The following LARGE1 variants were observed in gnomAD, a reference collection of about 807,000 sequenced individuals.
LARGE1 encodes xylosyl- and glucuronyltransferase LARGE1.
Under a neutral mutation model 87.6 loss-of-function variants are expected in LARGE1, and 43 were observed. That is an observed-to-expected ratio of 0.49 (90% confidence interval 0.38 to 0.63). LARGE1 has a LOEUF of 0.63. Ranked by LOEUF, LARGE1 falls within the 30% of genes least tolerant of loss-of-function variation. LARGE1 has a pLI of 0.00. For missense variants in LARGE1, 802 were observed against 1,000.2 expected, an observed-to-expected ratio of 0.80 and a Z score of 2.67; for synonymous variants, 434 against 394.6, an observed-to-expected ratio of 1.10 and a Z score of -1.18.
intron 7 of LARGE1, among the ~76,000 whole-genome samples, chr22:33,412,941 G>A (rs1425565970): frequency 1.3e-5 from 2 of 152,178 alleles, no homozygotes; most frequent in South Asian, 2.1e-4. Flanking sequence ...GATTACAGGC[G>A]TGAGCCACCG....
chr22:33,277,855 T>C (rs969098463), intron 13 of LARGE1, among the ~76,000 whole-genome samples: 11 of 152,218 alleles, frequency 7.2e-5, no homozygotes. Context: ...AAGGAACTCC[T>C]GGAGGGCTCC....
At chr22:33,676,720 A>G (rs1433312540) in intron 2 of LARGE1, among the ~76,000 whole-genome samples, 22 of 152,190 alleles carry the variant, frequency 1.4e-4, no homozygotes, top group Non-Finnish European at 1.5e-5. Flanking sequence ...AGGTCTAAAT[A>G]CTAAATATTT....
chr22:33,161,329 C>T (rs976176315), downstream of LARGE1, among the ~76,000 whole-genome samples: 1 of 152,060 alleles, frequency 6.6e-6, no homozygotes, highest in Non-Finnish European at 1.5e-5. Context: ...CATTCTGCCC[C>T]CGGCCCCTCC....
chr22:33,458,911 A>C (rs1373881338), intron 6 of LARGE1, among the ~76,000 whole-genome samples: 1 of 152,114 alleles, frequency 6.6e-6, no homozygotes, highest in Non-Finnish European at 1.5e-5. Context: ...CAACAGCAAA[A>C]ATAATAAACA....
intron 10 of LARGE1, among the ~76,000 whole-genome samples, chr22:33,317,042 T>C (rs1446572421): frequency 6.6e-6 from 1 of 151,994 alleles, no homozygotes; most frequent in Non-Finnish European, 1.5e-5. Flanking sequence ...GGGGAAACCC[T>C]GTCTCCACAA....
At chr22:33,081,687 AAAT>A in the LARGE1 span, among the ~76,000 whole-genome samples, 3 of 152,178 alleles carry the variant, frequency 2.0e-5, no homozygotes, top group Admixed American at 1.3e-4. Context: ...ATTTTGCATA[AAAT>A]ACCAGAGGTT....
At chr22:33,412,667 T>G (rs751674150) in intron 7 of LARGE1, among the ~76,000 whole-genome samples, 7 of 152,204 alleles carry the variant, frequency 4.6e-5, no homozygotes, top group Non-Finnish European at 8.8e-5. Context: ...TTTTATGTAT[T>G]TATTTATTTT....
chr22:33,263,685 C>T (rs1329424212), intron 11 of LARGE1, among the ~76,000 whole-genome samples: 1 of 152,240 alleles, frequency 6.6e-6, no homozygotes, highest in Admixed American at 6.5e-5. Flanking sequence ...ACCTGGACTC[C>T]TGATCCATGG....
intron 1 of LARGE1, among the ~76,000 whole-genome samples, chr22:33,893,700 T>C (rs923522915): frequency 6.6e-5 from 10 of 152,308 alleles, no homozygotes; most frequent in East Asian, 1.9e-4. Context: ...TAAGCCATCA[T>C]ATCACTCATT....
At chr22:33,904,510 T>C (rs2065379272) in intron 1 of LARGE1, among the ~76,000 whole-genome samples, 1 of 152,082 alleles carries the variant, frequency 6.6e-6, no homozygotes, top group Non-Finnish European at 1.5e-5. Context: ...TCAGCTACGA[T>C]GGTGGGGCAA....
intron 11 of LARGE1, among the ~76,000 whole-genome samples, chr22:33,198,516 C>T (rs1281701800): frequency 6.6e-6 from 1 of 151,890 alleles, no homozygotes; most frequent in African/African-American, 2.4e-5. Flanking sequence ...AGTGATTCAC[C>T]AGAATTCTTA....
At chr22:33,734,949 T>C (rs1195537119) in intron 2 of LARGE1, among the ~76,000 whole-genome samples, 4 of 152,176 alleles carry the variant, frequency 2.6e-5, no homozygotes, top group South Asian at 2.1e-4. Context: ...CTCCAAAACA[T>C]GTTCCTGGAA....
At chr22:33,379,265 T>TCTTTC (rs112802683) in intron 9 of LARGE1, among the ~76,000 whole-genome samples, 7 of 148,678 alleles carry the variant, frequency 4.7e-5, no homozygotes, top group East Asian at 2.0e-4. Context: ...TTTCTTTCTT[T>TCTTTC]TTTTTTTTTT....
chr22:33,467,600 G>A (rs934202180), intron 6 of LARGE1, among the ~76,000 whole-genome samples: 2 of 152,130 alleles, frequency 1.3e-5, no homozygotes, highest in Admixed American at 6.5e-5. Context: ...ATAGAGCATC[G>A]CCCATAATGA....
chr22:33,697,709 CAG>C (rs1471340059), intron 2 of LARGE1, among the ~76,000 whole-genome samples: 3 of 152,180 alleles, frequency 2.0e-5, no homozygotes, highest in African/African-American at 7.2e-5. Flanking sequence ...CGGTGCGCTG[CAG>C]AGTCTTTCTC....
At chr22:33,357,190 T>C (rs1330259678) in intron 9 of LARGE1, among the ~76,000 whole-genome samples, 31 of 152,102 alleles carry the variant, frequency 2.0e-4, no homozygotes, top group Admixed American at 2.0e-3. Context: ...TATTCAGCCA[T>C]GAAAAGGAAT....
At chr22:33,516,599 T>C (rs551177100) in intron 6 of LARGE1, among the ~76,000 whole-genome samples, 6 of 152,094 alleles carry the variant, frequency 3.9e-5, no homozygotes, top group African/African-American at 1.4e-4. Context: ...ATTATTATTA[T>C]TATTATTTTT....
the LARGE1 span, among the ~76,000 whole-genome samples, chr22:33,144,465 AT>A: frequency 6.6e-6 from 1 of 152,142 alleles, no homozygotes; most frequent in Non-Finnish European, 1.5e-5. Context: ...ATATATATAT[AT>A]ATATACACAC....
the LARGE1 span, among the ~76,000 whole-genome samples, chr22:33,071,759 G>T: frequency 6.6e-6 from 1 of 152,152 alleles, no homozygotes; most frequent in South Asian, 2.1e-4. Flanking sequence ...CTATGAATCT[G>T]TACTGGAAAC....
Sources: allele counts gnomAD v4.1 joint callset (sites outside exome capture counted in the v4.1 genomes callset), GRCh38; gene constraint gnomAD v4.1.1; transcripts MANE v1.5; gene names NCBI Gene and HGNC (gene_info 2026-07-23, HGNC 2026-07-21).